CCSER1: variants seen among roughly 807,000 people sequenced by gnomAD.
The protein encoded by CCSER1 is serine-rich coiled-coil domain-containing protein 1.
Under a neutral mutation model 82.0 loss-of-function variants are expected in CCSER1, and 41 were observed. That is an observed-to-expected ratio of 0.50 (90% CI 0.39 to 0.65). The LOEUF is 0.65. CCSER1 is among the 30% of genes least tolerant of loss of function. The pLI is 0.00. For synonymous variants in CCSER1, 414 were observed against 383.9 expected (o/e 1.08, Z -0.92); for missense variants, 1,119 against 1,064.2 (o/e 1.05, Z -0.72).
Position 90,309,569 on chromosome 4 carries a change from A to G in CCSER1, c.1285A>G (p.Asn429Asp), listed in dbSNP as rs1420186963. ...IPTSGDHHIF[N>D]KTSHGYEANP... ...TACTTCTGGTGATCATCATATTTTTAACAAAACATCACATGGATATGAAGC... is the reference window on the plus strand; with the variant it reads ...TACTTCTGGTGATCATCATATTTTTGACAAAACATCACATGGATATGAAGC... Residue 429 changes from asparagine (N) to aspartate (D), a missense_variant, in exon 2 of 11, where the codon AAC (asparagine) becomes GAC (aspartate). Physicochemically the swap from Asn to Asp is conservative, Grantham distance 23. Coordinates refer to ENST00000509176, the MANE Select transcript of CCSER1 (RefSeq NM_001145065.2). 5 of 1,604,280 alleles carry G rather than the reference A, an allele frequency of 3.1e-6. No individual in the cohort carries two copies. The East Asian group carries it at 1.1e-4, about 36-fold the overall frequency.
intron 8 of CCSER1, among the ~76,000 whole-genome samples, chr4:90,915,365 C>G (rs769475867): frequency 1.6e-4 from 24 of 152,190 alleles, no homozygotes; most frequent in Non-Finnish European, 2.5e-4. Context: ...TCAGCATACG[C>G]AAACCAATAA....
rs146552361 is a variant in CCSER1 at position 90,438,991 on chromosome 4, T to C, written c.1604-29243T>C. Among the ~76,000 whole-genome samples, 1,444 of 152,298 alleles carry C rather than the reference T, an allele frequency of 9.5e-3. 11 individuals are homozygous for C. Among genetic ancestry groups the C allele is most frequent in the South Asian group, 0.022 (105 of 4,826 alleles). ...AAACTGGCATGCTATTATGCTATTATTCATTTTTTTAAAAAGCCTTGGCTG... is the reference window on the plus strand; with the variant it reads ...AAACTGGCATGCTATTATGCTATTACTCATTTTTTTAAAAAGCCTTGGCTG... On this transcript the variant is annotated intron_variant, in intron 4 of 10. Coordinates refer to ENST00000509176, the MANE Select transcript of CCSER1 (RefSeq NM_001145065.2).
chr4:90,420,329 G>C (rs1267084517), intron 4 of CCSER1, among the ~76,000 whole-genome samples: 2 of 151,872 alleles, frequency 1.3e-5, no homozygotes, highest in African/African-American at 4.8e-5. Flanking sequence ...TTAAGTGACA[G>C]AATAATGTTC....
intron 6 of CCSER1, among the ~76,000 whole-genome samples, chr4:90,672,663 T>C (rs1733013458): frequency 6.6e-6 from 1 of 152,090 alleles, no homozygotes; most frequent in African/African-American, 2.4e-5. Flanking sequence ...GACCTAGCTT[T>C]TGGCTTGTCT....
chr4:90,837,792 C>T (rs910983948), intron 8 of CCSER1, among the ~76,000 whole-genome samples: 3 of 152,070 alleles, frequency 2.0e-5, no homozygotes, highest in African/African-American at 7.2e-5. Flanking sequence ...AGGTCTGGAA[C>T]TTAGCAGAGA....
At chr4:90,135,726 T>A (rs773941547) in intron 1 of CCSER1, among the ~76,000 whole-genome samples, 6 of 152,230 alleles carry the variant, frequency 3.9e-5, no homozygotes, top group Non-Finnish European at 7.3e-5. Flanking sequence ...TTTCCTTACC[T>A]GGCTGTGCCC....
intron 4 of CCSER1, among the ~76,000 whole-genome samples, chr4:90,426,566 A>G (rs1381156631): frequency 6.6e-6 from 1 of 152,168 alleles, no homozygotes; most frequent in African/African-American, 2.4e-5. Flanking sequence ...AAACAATAGA[A>G]GGTGGTACCA....
At chr4:91,429,307 C>A (rs1044094895) in intron 10 of CCSER1, among the ~76,000 whole-genome samples, 2 of 151,804 alleles carry the variant, frequency 1.3e-5, no homozygotes, top group South Asian at 4.1e-4. Flanking sequence ...AATTTAAGTA[C>A]GTTCAAATGC....
chr4:91,039,855 T>C (rs1320358424), intron 9 of CCSER1, among the ~76,000 whole-genome samples: 2 of 152,188 alleles, frequency 1.3e-5, no homozygotes, highest in Non-Finnish European at 2.9e-5. Flanking sequence ...AAGGTGGAAC[T>C]ACTATGCTGA....
chr4:90,736,569 T>A (rs928145189), intron 7 of CCSER1, among the ~76,000 whole-genome samples: 1 of 152,096 alleles, frequency 6.6e-6, no homozygotes, highest in Non-Finnish European at 1.5e-5. Context: ...TTTCCATCCC[T>A]TTATTTTCAG....
chr4:91,380,495 T>C (rs189929095), intron 10 of CCSER1, among the ~76,000 whole-genome samples: 1 of 152,312 alleles, frequency 6.6e-6, no homozygotes, highest in East Asian at 1.9e-4. Context: ...CCTTTACCGT[T>C]ATGTAATGTC....
At chr4:91,553,594 CCTTA>C (rs1762264481) in intron 10 of CCSER1, among the ~76,000 whole-genome samples, 3 of 150,886 alleles carry the variant, frequency 2.0e-5, no homozygotes, top group African/African-American at 7.3e-5. Flanking sequence ...TCTTCAGTCT[CCTTA>C]CTTATTATTA....
intron 10 of CCSER1, among the ~76,000 whole-genome samples, chr4:91,189,830 GAAT>G (rs1309357804): frequency 2.0e-5 from 3 of 151,786 alleles, no homozygotes; most frequent in African/African-American, 2.4e-5. Context: ...TTTAATTTTT[GAAT>G]AATAATTTAA....
intron 8 of CCSER1, among the ~76,000 whole-genome samples, chr4:90,914,762 C>T (rs922668413): frequency 6.9e-6 from 1 of 144,344 alleles, no homozygotes; most frequent in East Asian, 2.0e-4. Context: ...ATTGATAGAC[C>T]ACTAGCAATA....
chr4:90,388,393 T>A (rs1040369427), intron 3 of CCSER1, among the ~76,000 whole-genome samples: 2 of 152,026 alleles, frequency 1.3e-5, no homozygotes, highest in African/African-American at 4.8e-5. Flanking sequence ...CACTGCAACC[T>A]TTGCCCGCTG....
intron 7 of CCSER1, among the ~76,000 whole-genome samples, chr4:90,742,505 C>A (rs1360319860): frequency 6.6e-6 from 1 of 152,118 alleles, no homozygotes; most frequent in Non-Finnish European, 1.5e-5. Context: ...AAAATGCTCT[C>A]ATCCCTTCCA....
At chr4:90,193,827 T>A (rs948511788) in intron 1 of CCSER1, among the ~76,000 whole-genome samples, 2 of 152,024 alleles carry the variant, frequency 1.3e-5, no homozygotes, top group Non-Finnish European at 2.9e-5. Context: ...TTTTAATAAA[T>A]CCTGCTAGTC....
chr4:91,517,981 A>T (rs1199683181), intron 10 of CCSER1, among the ~76,000 whole-genome samples: 1 of 152,084 alleles, frequency 6.6e-6, no homozygotes, highest in Non-Finnish European at 1.5e-5. Context: ...CATAATGATC[A>T]GTAGGTAGTC....
intron 10 of CCSER1, among the ~76,000 whole-genome samples, chr4:91,532,469 T>G (rs922390867): frequency 7.9e-5 from 12 of 152,272 alleles, no homozygotes; most frequent in Admixed American, 6.5e-4. Flanking sequence ...TATACATACT[T>G]AAACTAACTG....
Sources: gnomAD v4.1 joint callset for allele counts (sites outside exome capture counted in the v4.1 genomes callset) on GRCh38, gnomAD v4.1.1 for gene constraint, MANE v1.5 for transcripts, NCBI Gene and HGNC (gene_info 2026-07-23, HGNC 2026-07-21) for gene names.